ITIH1: variants seen among roughly 807,000 people sequenced by gnomAD.
ITIH1 encodes inter-alpha-trypsin inhibitor heavy chain H1.
Under a neutral mutation model 104.6 loss-of-function variants are expected in ITIH1, and 94 were observed. The ratio of observed to expected loss-of-function variants is 0.90; its 90% confidence interval spans 0.76 to 1.07. The LOEUF is 1.07. Among genes scored for constraint, ITIH1 ranks in the 50% least tolerant of loss-of-function variants. ITIH1 has a pLI of 0.00. For missense variants in ITIH1, 1,193 were observed against 1,181.4 expected (o/e 1.01, Z -0.14); for synonymous variants, 455 against 464.4 (o/e 0.98, Z 0.26).
rs757860229 is a variant in ITIH1, at chr3:52,785,224, C to T, written c.1588C>T (p.His530Tyr). The T allele has an allele frequency of 6.8e-6, 11 of 1,613,898 alleles. No individual in the cohort carries two copies. The highest frequency in any genetic ancestry group is 9.3e-6 in the Non-Finnish European group (11 of 1,179,948). Residue 530 changes from histidine to tyrosine, a missense_variant, in exon 12 of 22, where the codon CAT (histidine) becomes TAT (tyrosine). Transcript: ENST00000273283. ...CAGCTTCAAGGCTGATGTGCAGGCC[C>T]ATGGGGTAAATGGTGGGCCATGGAG... Reference protein sequence around the residue: ...QSSFKADVQAHGEGQEFSITC... With the variant: ...QSSFKADVQAYGEGQEFSITC...
In ITIH1 at chr3:52,778,994, T is replaced by G; in HGVS notation, c.358T>G (p.Trp120Gly). ...AGACATAAAGGACAAGGTGACTGCATGGAAGCAGTACCGGAAAGCAGCTAT... is the reference window on the plus strand; with the variant it reads ...AGACATAAAGGACAAGGTGACTGCAGGGAAGCAGTACCGGAAAGCAGCTAT... ...IGDIKDKVTA[W>G]KQYRKAAISG... The change falls in exon 4 of 22, where the codon TGG becomes GGG. Residue 120 changes from tryptophan (W) to glycine (G), a missense_variant. Physicochemically the swap from Trp to Gly is radical, Grantham distance 184 (BLOSUM62 -2). Coordinates refer to ENST00000273283, the MANE Select transcript of ITIH1 (RefSeq NM_002215.4). 6.2e-7 allele frequency: 1 copy of G among 1,614,142 alleles called. No individual in the cohort carries two copies. Among genetic ancestry groups the G allele is most frequent in the Non-Finnish European group, 8.5e-7 (1 of 1,179,958 alleles).
Position 52,789,852 on chromosome 3 carries a change from C to G in ITIH1, c.2319C>G (p.Asp773Glu), listed in dbSNP as rs200991358. 2.5e-6 allele frequency: 4 copies of G among 1,613,938 alleles called. No homozygotes were observed. Among genetic ancestry groups the G allele is most frequent in the Non-Finnish European group, 2.5e-6 (3 of 1,179,894 alleles). ...SWRDQAVLRQ[D>E]GVVVTINKKR... Reference sequence around the variant, plus strand: ...GGGACCAAGCTGTGCTGCGGCAGGACGGGTAACCTGCCAGGGCCTGGGCAA... The same window carrying G: ...GGGACCAAGCTGTGCTGCGGCAGGAGGGGTAACCTGCCAGGGCCTGGGCAA... Residue 773 changes from aspartate to glutamate, a missense_variant and splice_region_variant, in exon 19 of 22, where the codon GAC becomes GAG. Transcript: ENST00000273283.
intron 12 of ITIH1, 42 bp downstream of exon 12, chr3:52,785,271 C>T: frequency 6.3e-7 from 1 of 1,588,810 alleles, no homozygotes; most frequent in Non-Finnish European, 8.6e-7. Context: ...CAGGCAGCAC[C>T]CTAGAGGCTC....
chr3:52,786,361 C>A lies in ITIH1; in HGVS notation c.1660C>A (p.Arg554Ser). 1 of 1,579,870 alleles carries A rather than the reference C, an allele frequency of 6.3e-7. No homozygotes were observed. Among genetic ancestry groups the A allele is most frequent in the Non-Finnish European group, 8.6e-7 (1 of 1,162,266 alleles). ...GGAGATGAAGAAACTGCTCCGAGAGCGTGGCCACATGCTGGAGAACCACGT... is the reference window on the plus strand; with the variant it reads ...GGAGATGAAGAAACTGCTCCGAGAGAGTGGCCACATGCTGGAGAACCACGT... The part of the protein sequence containing the change: ...EEEMKKLLRE[R>S]GHMLENHVER... Residue 554 changes from arginine to serine, a missense_variant, in exon 13 of 22, where the codon CGT becomes AGT. Coordinates refer to ENST00000273283, the MANE Select transcript of ITIH1 (RefSeq NM_002215.4).
rs1007683653 is a variant in ITIH1, at chr3:52,778,507, G to A, written c.305+1G>A. 1.9e-6 allele frequency: 3 copies of A among 1,614,046 alleles called. No homozygotes were observed. Among genetic ancestry groups the A allele is most frequent in the Non-Finnish European group, 2.5e-6 (3 of 1,180,004 alleles). On this transcript the variant is annotated splice_donor_variant, in intron 3 of 21. Transcript: ENST00000273283. LOFTEE classifies it high-confidence loss of function. ...CAGCATTCATCAGTGACTTTGCCGT[G>A]TGCGTGCCTGCCCAACTCCCATGCC...
intron 6 of ITIH1, 74 bp downstream of exon 6, chr3:52,780,456 C>A: frequency 9.9e-7 from 1 of 1,008,122 alleles, no homozygotes. Flanking sequence ...TATGGAATGT[C>A]CAGCCTTAGC....
Position 52,779,159 on chromosome 3 carries a change from A to G in ITIH1, c.410+113A>G. 1.2e-6 allele frequency: 1 copy of G among 832,838 alleles called. No homozygotes were observed. The highest frequency in any genetic ancestry group is 2.0e-5 in the Admixed American group (1 of 51,000). The allele number at this position is 832,838 out of a possible 1,614,324, so 51.6% of individuals were successfully genotyped here. On this transcript the variant is annotated intron_variant, in intron 4 of 21. Transcript: ENST00000273283. The surrounding 1 kb of genome is among the most constrained non-coding windows in gnomAD (Gnocchi z 4.4). ...AACAGCCCAGGATGATGGAAGGGTA[A>G]GCAAACTGCCCAAACCCAGATGCCA...
At chr3:52,783,453 A>C in intron 10 of ITIH1, 114 bp downstream of exon 10, 1 of 1,189,134 alleles carries the variant, frequency 8.4e-7, no homozygotes, top group African/African-American at 1.5e-5. Flanking sequence ...AGAAAAGCTC[A>C]GGGCAAAATC....
chr3:52,787,672 G>A (rs1033390833), intron 16 of ITIH1, 60 bp downstream of exon 16: 17 of 1,573,596 alleles, frequency 1.1e-5, no homozygotes, highest in Non-Finnish European at 1.4e-5. Context: ...TCACCCCGTT[G>A]GCTTTCTTCC....
chr3:52,789,800 G>C lies in ITIH1; in HGVS notation c.2267G>C (p.Gly756Ala). ...VTPQNITLNPGFGGPVFSWRD... is the reference protein window; with the variant it reads ...VTPQNITLNPAFGGPVFSWRD... ...CCTCAGAACATTACGCTGAACCCCG[G>C]CTTTGGTGGGCCTGTGTTTTCCTGG... Residue 756 changes from glycine to alanine, a missense_variant, in exon 19 of 22, where the codon GGC (glycine) becomes GCC (alanine). Gly to Ala is a moderately conservative substitution (Grantham distance 60). Coordinates refer to ENST00000273283, the MANE Select transcript of ITIH1 (RefSeq NM_002215.4). 2 of 1,614,246 alleles carry C rather than the reference G, an allele frequency of 1.2e-6. No individual in the cohort carries two copies. The highest frequency in any genetic ancestry group is 1.7e-6 in the Non-Finnish European group (2 of 1,180,052).
Position 52,778,510 on chromosome 3 carries a change from C to T in ITIH1, c.305+4C>T, listed in dbSNP as rs760602965. On this transcript the variant is annotated splice_donor_region_variant and intron_variant, in intron 3 of 21. Transcript: ENST00000273283. ...CATTCATCAGTGACTTTGCCGTGTGCGTGCCTGCCCAACTCCCATGCCTTC... is the reference window on the plus strand; with the variant it reads ...CATTCATCAGTGACTTTGCCGTGTGTGTGCCTGCCCAACTCCCATGCCTTC... 35 of 1,613,892 alleles carry T rather than the reference C, an allele frequency of 2.2e-5. No individual in the cohort carries two copies. Among genetic ancestry groups the T allele is most frequent in the Middle Eastern group, 1.7e-4 (1 of 6,054 alleles).
intron 6 of ITIH1, 101 bp downstream of exon 6, chr3:52,780,483 G>A: frequency 2.6e-6 from 2 of 761,238 alleles, no homozygotes; most frequent in Admixed American, 2.5e-5. Context: ...ACCAGGCAGG[G>A]GCTGTGGTCT....
rs201951432 is a variant in ITIH1 at position 52,791,899 on chromosome 3, C to T, written c.2724C>T (p.Pro908=). ...IDGAYTDYIV[P]DIF is the part of the protein sequence containing the mutation. ...GTGCCTACACTGATTATATCGTCCCCGACATCTTCTGAGCCCTCTGGCCAG... is the reference window on the plus strand; with the variant it reads ...GTGCCTACACTGATTATATCGTCCCTGACATCTTCTGAGCCCTCTGGCCAG... The change falls in exon 22 of 22, where the codon CCC becomes CCT. Residue 908 remains proline, a synonymous_variant. Transcript: ENST00000273283. 19 of 1,612,594 alleles carry T rather than the reference C, an allele frequency of 1.2e-5. No individual in the cohort carries two copies. The highest frequency in any genetic ancestry group is 4.5e-5 in the East Asian group (2 of 44,876).
Position 52,779,857 on chromosome 3 carries a change from C to T in ITIH1, c.573+263C>T, listed in dbSNP as rs780002379. ...AGTCCCAGGACCGCCACAGGGATCA[C>T]GAGAAGTACTGAATGTCCAGGTAAT... On this transcript the variant is annotated intron_variant, in intron 5 of 21. Coordinates refer to ENST00000273283, the MANE Select transcript of ITIH1 (RefSeq NM_002215.4). This position sits in a 1 kb window ranked among gnomAD's most constrained non-coding sequence, Gnocchi z 4.4. 1.8e-5 allele frequency: 24 copies of T among 1,361,984 alleles called. No homozygotes were observed. The highest frequency in any genetic ancestry group is 2.7e-4 in the Middle Eastern group (1 of 3,682). The allele number at this position is 1,361,984 out of a possible 1,614,324, so 84.4% of individuals were successfully genotyped here.
chr3:52,778,984 G>A lies in ITIH1; in HGVS notation c.348G>A (p.Lys116=). Residue 116 remains lysine, a synonymous_variant, in exon 4 of 22, where the codon AAG becomes AAA. Coordinates refer to ENST00000273283, the MANE Select transcript of ITIH1 (RefSeq NM_002215.4). ...CATTTATCGGAGACATAAAGGACAA[G>A]GTGACTGCATGGAAGCAGTACCGGA... ...GNAFIGDIKD[K]VTAWKQYRKA... The A allele has an allele frequency of 6.2e-7, 1 of 1,614,116 alleles. No homozygotes were observed. The highest frequency in any genetic ancestry group is 8.5e-7 in the Non-Finnish European group (1 of 1,179,912).
rs1264810498 is a variant in ITIH1, at chr3:52,782,000, T to A, written c.748T>A (p.Ser250Thr). 2 of 1,614,080 alleles carry A rather than the reference T, an allele frequency of 1.2e-6. No individual in the cohort carries two copies. The highest frequency in any genetic ancestry group is 8.5e-7 in the Non-Finnish European group (1 of 1,180,030). ...QQQSCPTCST[S>T]LLNGHFKVTY... ...GCAGTCCTGCCCCACATGCTCTACA[T>A]CCTTACTGAACGGGCACTTCAAGGT... Residue 250 changes from serine (S) to threonine (T), a missense_variant, in exon 7 of 22, where the codon TCC becomes ACC. By Grantham distance (58) the Ser-to-Thr change is moderately conservative (BLOSUM62 1). Coordinates refer to ENST00000273283, the MANE Select transcript of ITIH1 (RefSeq NM_002215.4).
intron 12 of ITIH1, 84 bp downstream of exon 12, chr3:52,785,313 C>G: frequency 7.6e-7 from 1 of 1,317,470 alleles, no homozygotes; most frequent in Non-Finnish European, 1.1e-6. Flanking sequence ...TCCTGCCATC[C>G]CCCAGAGGCC....
intron 13 of ITIH1, 87 bp from the exon 14 acceptor site, chr3:52,786,855 TGAA>T: frequency 2.2e-6 from 3 of 1,382,446 alleles, no homozygotes; most frequent in Admixed American, 2.2e-5. Flanking sequence ...AATGAATGAA[TGAA>T]TGAATGAATG....
intron 10 of ITIH1, among the ~76,000 whole-genome samples, chr3:52,783,814 T>C (rs1699127635): frequency 6.6e-6 from 1 of 151,938 alleles, no homozygotes; most frequent in South Asian, 2.1e-4. Context: ...AAAGGACACC[T>C]GACCCAGGGG....
Sources: allele counts gnomAD v4.1 joint callset (sites outside exome capture counted in the v4.1 genomes callset), GRCh38; gene constraint gnomAD v4.1.1; non-coding constraint Gnocchi (gnomAD v3.1); transcripts MANE v1.5; gene names NCBI Gene and HGNC (gene_info 2026-07-23, HGNC 2026-07-21).